Variants in CACNA2D3 observed in about 807,000 individuals in gnomAD.
The protein encoded by CACNA2D3 is voltage-dependent calcium channel subunit alpha-2/delta-3.
Under a neutral mutation model 160.6 loss-of-function variants are expected in CACNA2D3, and 60 were observed. The observed-to-expected ratio is 0.37, with a 90% CI of 0.30 to 0.46. CACNA2D3 has a LOEUF of 0.46. Among genes scored for constraint, CACNA2D3 ranks in the 20% least tolerant of loss-of-function variants. CACNA2D3 has a pLI of 1.00. For missense variants in CACNA2D3, 1,205 were observed against 1,365.0 expected (o/e 0.88, Z 1.85); for synonymous variants, 558 against 492.9 (o/e 1.13, Z -1.75).
intron 35 of CACNA2D3, among the ~76,000 whole-genome samples, chr3:55,030,934 ATGACTAGGCAGGT>A (rs1285667060): frequency 6.6e-6 from 1 of 152,128 alleles, no homozygotes; most frequent in Non-Finnish European, 1.5e-5. Flanking sequence ...CATGTCTATA[ATGACTAGGCAGGT>A]TTCTACCTGA....
intron 14 of CACNA2D3, among the ~76,000 whole-genome samples, chr3:54,835,573 G>A (rs1005276504): frequency 6.6e-6 from 1 of 152,172 alleles, no homozygotes; most frequent in African/African-American, 2.4e-5. Context: ...TAGATTTTAG[G>A]ATCTTCTCTT....
At chr3:54,823,483 C>CTTTG (rs1390934426) in intron 14 of CACNA2D3, among the ~76,000 whole-genome samples, 1 of 152,042 alleles carries the variant, frequency 6.6e-6, no homozygotes, top group Non-Finnish European at 1.5e-5. Flanking sequence ...CACTTTCAGC[C>CTTTG]TTTGACTCAA....
At chr3:54,663,946 G>A (rs1489018002) in intron 11 of CACNA2D3, among the ~76,000 whole-genome samples, 1 of 152,202 alleles carries the variant, frequency 6.6e-6, no homozygotes, top group East Asian at 1.9e-4. Context: ...ATTCCTTTCT[G>A]CGCTCGCCTT....
At chr3:54,843,405 GAGA>G (rs1013608656) in intron 16 of CACNA2D3, among the ~76,000 whole-genome samples, 4 of 152,232 alleles carry the variant, frequency 2.6e-5, no homozygotes, top group Admixed American at 2.6e-4. Flanking sequence ...CACAGGGAGA[GAGA>G]AGGAGGGGTG....
intron 35 of CACNA2D3, among the ~76,000 whole-genome samples, chr3:55,054,294 T>C (rs1704309424): frequency 6.6e-6 from 1 of 151,894 alleles, no homozygotes; most frequent in Non-Finnish European, 1.5e-5. Context: ...CTTGGTACTA[T>C]TTTACTGCTT....
At chr3:54,311,260 C>T (rs1703734540) in intron 2 of CACNA2D3, among the ~76,000 whole-genome samples, 1 of 152,162 alleles carries the variant, frequency 6.6e-6, no homozygotes, top group South Asian at 2.1e-4. Context: ...TTACAGCTTA[C>T]ATGCAACCTG....
chr3:54,892,126 A>G (rs77134556), intron 25 of CACNA2D3, among the ~76,000 whole-genome samples: 16,057 of 152,270 alleles, frequency 0.11, 1,002 homozygotes, highest in Non-Finnish European at 0.14. Context: ...TAGACTGTGA[A>G]GTCTTTTCTG....
rs1192173914 is a variant in CACNA2D3, at chr3:54,926,546, ACACACACT to A, written c.2449+26680_2449+26687del. On this transcript the variant is annotated intron_variant, in intron 27 of 37. Coordinates refer to ENST00000474759, the MANE Select transcript of CACNA2D3 (RefSeq NM_018398.3). ...CACACACACACACACACACACACAC[ACACACACT>A]CTGTTTTACATAACACTTTTTAAAA... 7.7e-5 allele frequency among the ~76,000 whole-genome samples: 9 copies of A among 117,244 alleles called. No individual in the cohort carries two copies. The South Asian group carries it at 1.3e-3, about 17-fold the overall frequency. 76.9% of individuals were successfully genotyped at this position (117,244 alleles called of 152,430 possible).
intron 25 of CACNA2D3, among the ~76,000 whole-genome samples, chr3:54,894,298 C>T (rs1321225999): frequency 6.6e-6 from 1 of 152,186 alleles, no homozygotes; most frequent in Admixed American, 6.5e-5. Flanking sequence ...TCCAGGGTTT[C>T]CCGGCAACTC....
intron 13 of CACNA2D3, among the ~76,000 whole-genome samples, chr3:54,768,822 A>G (rs1032037987): frequency 5.9e-5 from 9 of 152,348 alleles, no homozygotes; most frequent in Middle Eastern, 3.4e-3. Context: ...TGATAGCCCA[A>G]CATTGTTGCT....
At chr3:54,832,011 T>TCATACACACA (rs373556430) in intron 14 of CACNA2D3, among the ~76,000 whole-genome samples, 6,626 of 118,822 alleles carry the variant, frequency 0.056, 533 homozygotes, top group Middle Eastern at 0.073. Flanking sequence ...CTCTTCTCTG[T>TCATACACACA]CACACACACA....
At chr3:54,436,105 A>G (rs1306171916) in intron 4 of CACNA2D3, among the ~76,000 whole-genome samples, 1 of 152,232 alleles carries the variant, frequency 6.6e-6, no homozygotes, top group Admixed American at 6.5e-5. Flanking sequence ...AACTAGATTC[A>G]CATCATCTGA....
intron 2 of CACNA2D3, among the ~76,000 whole-genome samples, chr3:54,230,338 G>A (rs556614984): frequency 6.6e-6 from 1 of 152,270 alleles, no homozygotes; most frequent in South Asian, 2.1e-4. Context: ...TGAAGTTTGT[G>A]TAATTCTCCT....
intron 35 of CACNA2D3, among the ~76,000 whole-genome samples, chr3:55,053,825 A>G (rs750864881): frequency 7.2e-5 from 11 of 151,916 alleles, no homozygotes; most frequent in African/African-American, 4.8e-5. Flanking sequence ...TGTAAAGGAG[A>G]AATGGTAAAA....
At chr3:54,765,376 C>T (rs991539369) in intron 13 of CACNA2D3, among the ~76,000 whole-genome samples, 3 of 152,092 alleles carry the variant, frequency 2.0e-5, no homozygotes, top group Admixed American at 6.5e-5. Context: ...AGACTCCTTC[C>T]CCAGGAAAAG....
chr3:54,350,982 G>GTTTTTTTTTTTTTTTTTTTTTTTTTTTTT (rs1491034355), intron 3 of CACNA2D3, among the ~76,000 whole-genome samples: 3 of 61,800 alleles, frequency 4.9e-5, no homozygotes, highest in Non-Finnish European at 9.1e-5. Context: ...TTTTTTTTTT[G>GTTTTTTTTTTTTTTTTTTTTTTTTTTTTT]TTTGTTTTTT....
intron 4 of CACNA2D3, among the ~76,000 whole-genome samples, chr3:54,434,854 A>G (rs1335976191): frequency 6.6e-6 from 1 of 152,162 alleles, no homozygotes; most frequent in East Asian, 1.9e-4. Flanking sequence ...TTTAAGGTTT[A>G]TGAAAGTTGC....
At chr3:54,287,211 C>T (rs1250390345) in intron 2 of CACNA2D3, among the ~76,000 whole-genome samples, 2 of 151,754 alleles carry the variant, frequency 1.3e-5, no homozygotes, top group Admixed American at 6.6e-5. Flanking sequence ...CACATAGGCT[C>T]AAAATAAAGG....
Position 54,871,540 on chromosome 3 carries a change from A to G in CACNA2D3, c.1628A>G (p.Tyr543Cys). 6.2e-7 allele frequency: 1 copy of G among 1,610,524 alleles called. No homozygotes were observed. Among genetic ancestry groups the G allele is most frequent in the Non-Finnish European group, 8.5e-7 (1 of 1,176,808 alleles). Reference protein sequence around the residue: ...ILTHPELRLLYEEGKKRRKPN... With the variant: ...ILTHPELRLLCEEGKKRRKPN... ...TCTTTTTCTTCTTCCCCTTGCTAGT[A>G]CGAAGAAGGAAAAAAGCGAAGGAAA... Residue 543 changes from tyrosine to cysteine, a missense_variant and splice_region_variant, in exon 18 of 38, where the codon TAC (tyrosine) becomes TGC (cysteine). This residue lies in a region of CACNA2D3 where 911 missense variants were observed against 1,002.2 expected (regional missense o/e 0.91). Coordinates refer to ENST00000474759, the MANE Select transcript of CACNA2D3 (RefSeq NM_018398.3).
Sources: gnomAD v4.1 joint callset for allele counts (sites outside exome capture counted in the v4.1 genomes callset) on GRCh38, gnomAD v4.1.1 for gene constraint, gnomAD v4.1.1 regional missense constraint, MANE v1.5 for transcripts, NCBI Gene and HGNC (gene_info 2026-07-23, HGNC 2026-07-21) for gene names.